The following NCKAP5 variants were observed in gnomAD, a reference collection of about 807,000 sequenced individuals.
NCKAP5 encodes the protein nck-associated protein 5.
Under a neutral mutation model 167.0 loss-of-function variants are expected in NCKAP5, and 92 were observed. That is an observed-to-expected ratio of 0.55 (90% CI 0.47 to 0.66). NCKAP5 has a LOEUF of 0.66. NCKAP5 is among the 30% of genes least tolerant of loss of function. The probability of loss-of-function intolerance (pLI) is 0.00; values close to 1 mark genes in which losing one functional copy is unlikely to be tolerated. For synonymous variants in NCKAP5, 891 were observed against 877.4 expected (o/e 1.02, Z -0.27); for missense variants, 2,378 against 2,315.0 (o/e 1.03, Z -0.56).
At chr2:132,895,816 C>CAAAAAAAAAAAAAAAAA in intron 8 of NCKAP5, among the ~76,000 whole-genome samples, 1 of 105,252 alleles carries the variant, frequency 9.5e-6, no homozygotes, top group Non-Finnish European at 2.0e-5. Context: ...GAGAAGGACT[C>CAAAAAAAAAAAAAAAAA]AAAAAAAAAA....
At chr2:132,922,639 G>A (rs1251614070) in intron 8 of NCKAP5, among the ~76,000 whole-genome samples, 1 of 152,100 alleles carries the variant, frequency 6.6e-6, no homozygotes, top group African/African-American at 2.4e-5. Context: ...TCATGCCTTT[G>A]TGCCTTCATA....
intron 11 of NCKAP5, among the ~76,000 whole-genome samples, chr2:132,858,650 G>A (rs1289052915): frequency 1.3e-5 from 2 of 152,136 alleles, no homozygotes; most frequent in Non-Finnish European, 2.9e-5. Context: ...ACTATTAACA[G>A]CCCATCTTTT....
chr2:132,732,970 A>G (rs1691171492), intron 16 of NCKAP5, among the ~76,000 whole-genome samples: 1 of 152,210 alleles, frequency 6.6e-6, no homozygotes, highest in African/African-American at 2.4e-5. Context: ...ACTTTATTCA[A>G]TGACAAAACT....
intron 11 of NCKAP5, among the ~76,000 whole-genome samples, chr2:132,837,719 AGG>A (rs1687995231): frequency 6.6e-6 from 1 of 152,186 alleles, no homozygotes; most frequent in Non-Finnish European, 1.5e-5. Context: ...CCATTAACAC[AGG>A]AGAATGCATT....
chr2:133,498,097 C>T (rs1253649927), intron 3 of NCKAP5, among the ~76,000 whole-genome samples: 2 of 152,136 alleles, frequency 1.3e-5, no homozygotes, highest in African/African-American at 4.8e-5. Flanking sequence ...TTAGTGATTT[C>T]GGTTTTTGTG....
the NCKAP5 span, among the ~76,000 whole-genome samples, chr2:133,611,162 A>AAAG: frequency 6.6e-6 from 1 of 152,146 alleles, no homozygotes; most frequent in African/African-American, 2.4e-5. Flanking sequence ...CAGGAGGTGA[A>AAAG]GTGTTTCTCT....
At chr2:133,082,656 T>G (rs2080849328) in intron 6 of NCKAP5, among the ~76,000 whole-genome samples, 1 of 152,126 alleles carries the variant, frequency 6.6e-6, no homozygotes, top group Non-Finnish European at 1.5e-5. Context: ...GGGGCTTTCC[T>G]CTTTTGAGGC....
At chr2:133,030,768 G>A (rs568447254) in intron 6 of NCKAP5, among the ~76,000 whole-genome samples, 1 of 152,216 alleles carries the variant, frequency 6.6e-6, no homozygotes, top group South Asian at 2.1e-4. Flanking sequence ...TAAAGCAACA[G>A]AAATTTATTC....
At chr2:133,455,199 TATA>T (rs1489274664) in intron 3 of NCKAP5, among the ~76,000 whole-genome samples, 1 of 152,150 alleles carries the variant, frequency 6.6e-6, no homozygotes, top group Non-Finnish European at 1.5e-5. Context: ...TTGGCATGAT[TATA>T]ATATCTCAAA....
At chr2:133,617,961 G>A in the NCKAP5 span, among the ~76,000 whole-genome samples, 3 of 152,054 alleles carry the variant, frequency 2.0e-5, no homozygotes, top group African/African-American at 7.2e-5. Flanking sequence ...CAGAGATATA[G>A]ATCAATGGAA....
chr2:132,885,760 G>T (rs1470665075), intron 8 of NCKAP5, among the ~76,000 whole-genome samples: 2 of 152,174 alleles, frequency 1.3e-5, no homozygotes, highest in Non-Finnish European at 2.9e-5. Flanking sequence ...TGCTTCTAAA[G>T]CCACTGTCCT....
At chr2:132,998,033 C>G (rs1436138736) in intron 6 of NCKAP5, among the ~76,000 whole-genome samples, 9 of 152,140 alleles carry the variant, frequency 5.9e-5, no homozygotes, top group Admixed American at 5.9e-4. Context: ...TCCTGGTTTT[C>G]TAAATATTAG....
intron 3 of NCKAP5, among the ~76,000 whole-genome samples, chr2:133,346,522 A>T (rs1683986427): frequency 6.6e-6 from 1 of 152,200 alleles, no homozygotes; most frequent in South Asian, 2.1e-4. Context: ...GTTAGAAAAG[A>T]TGTGATTAGT....
At chr2:133,442,783 G>A (rs1321731800) in intron 3 of NCKAP5, among the ~76,000 whole-genome samples, 1 of 152,230 alleles carries the variant, frequency 6.6e-6, no homozygotes, top group Non-Finnish European at 1.5e-5. Flanking sequence ...AGCCATGACA[G>A]CACCAGTGCC....
chr2:133,177,751 C>T (rs1043817252), intron 5 of NCKAP5, among the ~76,000 whole-genome samples: 1 of 152,182 alleles, frequency 6.6e-6, no homozygotes, highest in Non-Finnish European at 1.5e-5. Context: ...CCAGGACTTC[C>T]ATCACTGCCA....
chr2:133,459,062 TTC>T (rs1056876600), intron 3 of NCKAP5, among the ~76,000 whole-genome samples: 6 of 152,146 alleles, frequency 3.9e-5, no homozygotes, highest in Non-Finnish European at 7.4e-5. Flanking sequence ...CTCTCTGCAG[TTC>T]TGTGTTCTTT....
chr2:132,912,980 A>G (rs1305606278), intron 8 of NCKAP5, among the ~76,000 whole-genome samples: 1 of 152,118 alleles, frequency 6.6e-6, no homozygotes, highest in African/African-American at 2.4e-5. Context: ...AGAACATTAG[A>G]AAGCACTCAG....
At chr2:132,965,626 C>G (rs1179795353) in intron 7 of NCKAP5, among the ~76,000 whole-genome samples, 1 of 152,036 alleles carries the variant, frequency 6.6e-6, no homozygotes, top group Non-Finnish European at 1.5e-5. Context: ...TACACATATA[C>G]ACAGTCACAC....
intron 5 of NCKAP5, among the ~76,000 whole-genome samples, chr2:133,180,012 C>T (rs982954096): frequency 6.6e-6 from 1 of 152,072 alleles, no homozygotes; most frequent in African/African-American, 2.4e-5. Context: ...GTAAACCCAG[C>T]GAACTCTGTG....
Sources: allele counts gnomAD v4.1 joint callset (sites outside exome capture counted in the v4.1 genomes callset), GRCh38; gene constraint gnomAD v4.1.1; transcripts MANE v1.5; gene names NCBI Gene and HGNC (gene_info 2026-07-23, HGNC 2026-07-21).